TENM2: variants seen among roughly 807,000 people sequenced by gnomAD.
TENM2 encodes the protein teneurin-2.
Under a neutral mutation model 245.2 loss-of-function variants are expected in TENM2, and 52 were observed. The observed-to-expected ratio is 0.21, with a 90% confidence interval of 0.17 to 0.27. TENM2 has a LOEUF of 0.27. Among genes scored for constraint, TENM2 ranks in the 10% least tolerant of loss-of-function variants. The pLI is 1.00. For missense variants in TENM2, 3,046 were observed against 3,666.8 expected, an observed-to-expected ratio of 0.83 and a Z score of 4.37; for synonymous variants, 1,363 against 1,438.9, an observed-to-expected ratio of 0.95 and a Z score of 1.19.
chr5:167,199,174 A>G, the TENM2 span, among the ~76,000 whole-genome samples: 1 of 151,932 alleles, frequency 6.6e-6, no homozygotes, highest in Non-Finnish European at 1.5e-5. Flanking sequence ...AAAGAGGAAA[A>G]CTAAAACTAT....
chr5:167,328,842 T>G (rs542401713), intron 1 of TENM2, among the ~76,000 whole-genome samples: 1 of 152,330 alleles, frequency 6.6e-6, no homozygotes, highest in Non-Finnish European at 1.5e-5. Context: ...TTTATTTTCT[T>G]TTTAGTGTTT....
At position 168,193,026 on chromosome 5, in the gene TENM2, A is replaced by G. The variant is rs919856348; in HGVS notation, c.2781-2150A>G. Among the ~76,000 whole-genome samples the G allele has an allele frequency of 2.0e-5, 3 of 152,216 alleles. No individual in the cohort carries two copies. The East Asian group carries it at 5.8e-4, about 29-fold the overall frequency. ...AGAAGGCACCTTGAGCTAGAGCCAAAATACAGGTGAACAGTCAGGAACCCC... is the reference window on the plus strand; with the variant it reads ...AGAAGGCACCTTGAGCTAGAGCCAAGATACAGGTGAACAGTCAGGAACCCC... On this transcript the variant is annotated intron_variant, in intron 14 of 28. Transcript: ENST00000518659.
rs575082265 is a variant in TENM2 at position 167,518,621 on chromosome 5, ATAC to A, written c.502+143150_502+143152del. ...TGTGACTGTTCATACACTCTTCTCA[ATAC>A]TGCATGCATGTTCCTGGCAGTATCA... On this transcript the variant is annotated intron_variant, in intron 2 of 28. Coordinates refer to ENST00000518659, the Ensembl canonical transcript of TENM2. Among the ~76,000 whole-genome samples the A allele has an allele frequency of 1.8e-4, 27 of 152,244 alleles. No individual in the cohort carries two copies. In the East Asian group the frequency reaches 5.0e-3, roughly 28 times the overall value.
chr5:167,645,608 A>G (rs555815444), intron 2 of TENM2, among the ~76,000 whole-genome samples: 1 of 150,776 alleles, frequency 6.6e-6, no homozygotes, highest in Admixed American at 6.6e-5. Flanking sequence ...TTTTTTCAGT[A>G]AACATGAAGG....
chr5:168,217,424 C>T (rs1050127287), intron 22 of TENM2, among the ~76,000 whole-genome samples: 1 of 152,210 alleles, frequency 6.6e-6, no homozygotes, highest in Admixed American at 6.5e-5. Flanking sequence ...CAGAGGCTCA[C>T]TCAAATATAC....
the TENM2 span, among the ~76,000 whole-genome samples, chr5:166,998,856 T>C: frequency 7.2e-5 from 11 of 152,218 alleles, no homozygotes; most frequent in African/African-American, 1.4e-4. Flanking sequence ...GAAATACATA[T>C]GCTAGATTTG....
chr5:167,191,372 A>C, the TENM2 span, among the ~76,000 whole-genome samples: 1 of 151,990 alleles, frequency 6.6e-6, no homozygotes, highest in African/African-American at 2.4e-5. Context: ...ATTCCCAGAA[A>C]GCTTTGTTTA....
At chr5:167,456,093 A>G (rs1345581901) in intron 2 of TENM2, among the ~76,000 whole-genome samples, 1 of 152,182 alleles carries the variant, frequency 6.6e-6, no homozygotes, top group Non-Finnish European at 1.5e-5. Context: ...AGATTCTACC[A>G]TGAAGTCTAG....
At chr5:167,061,740 T>C in the TENM2 span, among the ~76,000 whole-genome samples, 3 of 152,068 alleles carry the variant, frequency 2.0e-5, no homozygotes, top group Non-Finnish European at 4.4e-5. Flanking sequence ...GTAAAGCAAA[T>C]ACAAACTGAA....
intron 6 of TENM2, among the ~76,000 whole-genome samples, chr5:168,050,409 T>A (rs1788975709): frequency 6.6e-6 from 1 of 152,204 alleles, no homozygotes; most frequent in Non-Finnish European, 1.5e-5. Context: ...TCAATTCCAA[T>A]CGACTTCTTT....
At chr5:167,479,630 A>G (rs544996713) in intron 2 of TENM2, among the ~76,000 whole-genome samples, 4 of 152,206 alleles carry the variant, frequency 2.6e-5, no homozygotes, top group Non-Finnish European at 5.9e-5. Context: ...TGGGCCCTTT[A>G]CTTGAACATA....
In TENM2 at chr5:167,457,282, T is replaced by TTTTTATTTTATTTTA. The variant is rs71591185; in HGVS notation, c.502+81864_502+81878dup. On this transcript the variant is annotated intron_variant, in intron 2 of 28. Coordinates refer to ENST00000518659, the Ensembl canonical transcript of TENM2. ...AGATAATTTAAGTTCACTGACCTGC[T>TTTTTATTTTATTTTA]TTTTATTTTATTTTATTTTATTTTA... Among the ~76,000 whole-genome samples the TTTTTATTTTATTTTA allele has an allele frequency of 2.3e-3, 299 of 130,002 alleles. 3 individuals carry two copies. Among genetic ancestry groups the TTTTTATTTTATTTTA allele is most frequent in the East Asian group, 6.5e-3 (27 of 4,144 alleles). 85.3% of individuals were successfully genotyped at this position (130,002 alleles called of 152,430 possible).
chr5:167,616,828 A>G (rs1777821763), intron 2 of TENM2, among the ~76,000 whole-genome samples: 1 of 151,938 alleles, frequency 6.6e-6, no homozygotes, highest in Non-Finnish European at 1.5e-5. Context: ...TTCCAGTTAC[A>G]TTTGTTTTTT....
At chr5:168,047,392 C>G (rs2152037072) in intron 5 of TENM2, 35 bp from the exon 8 acceptor site, 2 of 1,551,330 alleles carry the variant, frequency 1.3e-6, no homozygotes, top group South Asian at 2.4e-5. Flanking sequence ...GCTGAATTAT[C>G]TATTCATATT....
At chr5:167,001,543 T>TAAA in the TENM2 span, among the ~76,000 whole-genome samples, 1 of 143,662 alleles carries the variant, frequency 7.0e-6, no homozygotes, top group African/African-American at 2.6e-5. Flanking sequence ...AAAGTGGAAT[T>TAAA]AAAAAAAAAA....
chr5:167,754,031 A>G (rs1192081961), intron 2 of TENM2, among the ~76,000 whole-genome samples: 1 of 152,112 alleles, frequency 6.6e-6, no homozygotes, highest in Non-Finnish European at 1.5e-5. Flanking sequence ...TTTGTCTGCC[A>G]TATTGATAAT....
chr5:167,097,747 G>A, the TENM2 span, among the ~76,000 whole-genome samples: 1 of 152,166 alleles, frequency 6.6e-6, no homozygotes, highest in South Asian at 2.1e-4. Flanking sequence ...TTTCATGGAG[G>A]AAAAGACAGG....
chr5:167,952,088 C>T (rs756288282), intron 3 of TENM2, among the ~76,000 whole-genome samples: 2 of 152,182 alleles, frequency 1.3e-5, no homozygotes, highest in Non-Finnish European at 2.9e-5. Flanking sequence ...TCAACTCAGT[C>T]CTTAGCTAGC....
chr5:167,081,298 G>A, the TENM2 span, among the ~76,000 whole-genome samples: 2 of 151,880 alleles, frequency 1.3e-5, no homozygotes, highest in Admixed American at 1.3e-4. Flanking sequence ...ATGATCCAAG[G>A]TATTGCTTCC....
Sources: gnomAD v4.1 joint callset for allele counts (sites outside exome capture counted in the v4.1 genomes callset) on GRCh38, gnomAD v4.1.1 for gene constraint, MANE v1.5 for transcripts, NCBI Gene and HGNC (gene_info 2026-07-23, HGNC 2026-07-21) for gene names.